The following HS3ST4 variants were observed in gnomAD, a reference collection of about 807,000 sequenced individuals.
HS3ST4 encodes the protein heparan sulfate-glucosamine 3-sulfotransferase 4.
A neutral mutation model predicts 29.2 loss-of-function variants in HS3ST4; 17 were observed. That is an observed-to-expected ratio of 0.58 (90% confidence interval 0.40 to 0.87). The LOEUF (loss-of-function observed/expected upper bound fraction) is 0.87, where lower values mean the gene tolerates loss of function less well. Ranked by LOEUF, HS3ST4 falls within the 40% of genes least tolerant of loss-of-function variation. HS3ST4 has a pLI of 0.00. For missense variants in HS3ST4, 627 were observed against 634.5 expected (o/e 0.99, Z 0.13); for synonymous variants, 314 against 285.7 (o/e 1.10, Z -1.00).
At chr16:25,955,455 T>A (rs1365800463) in intron 1 of HS3ST4, among the ~76,000 whole-genome samples, 1 of 152,184 alleles carries the variant, frequency 6.6e-6, no homozygotes, top group Non-Finnish European at 1.5e-5. Flanking sequence ...TGGAAACCCA[T>A]AAAAGTTAGA....
intron 1 of HS3ST4, among the ~76,000 whole-genome samples, chr16:25,807,761 G>T (rs142682671): frequency 2.0e-5 from 3 of 152,074 alleles, no homozygotes; most frequent in Non-Finnish European, 2.9e-5. Flanking sequence ...TTACATTTCC[G>T]CTAGCAATGT....
chr16:25,794,772 C>T (rs1966878228), intron 1 of HS3ST4, among the ~76,000 whole-genome samples: 1 of 151,768 alleles, frequency 6.6e-6, no homozygotes, highest in Non-Finnish European at 1.5e-5. Context: ...TGAATCCATA[C>T]CTTGATATTC....
chr16:26,076,892 A>G (rs192125315), intron 1 of HS3ST4, among the ~76,000 whole-genome samples: 14 of 152,318 alleles, frequency 9.2e-5, no homozygotes, highest in Admixed American at 1.3e-4. Flanking sequence ...TTTCCCAAAT[A>G]CAGGTGCCTC....
intron 1 of HS3ST4, among the ~76,000 whole-genome samples, chr16:25,854,324 T>A (rs4393576): frequency 6.6e-6 from 1 of 151,974 alleles, no homozygotes; most frequent in African/African-American, 2.4e-5. Context: ...CCTGACATTG[T>A]CATGGCATTT....
chr16:25,940,564 T>A (rs1001244459), intron 1 of HS3ST4, among the ~76,000 whole-genome samples: 4 of 152,174 alleles, frequency 2.6e-5, no homozygotes, highest in African/African-American at 9.6e-5. Flanking sequence ...GGGAGAGCTC[T>A]CATGTTTGGG....
At chr16:25,732,745 G>GT (rs1156698489) in intron 1 of HS3ST4, among the ~76,000 whole-genome samples, 1 of 152,232 alleles carries the variant, frequency 6.6e-6, no homozygotes, top group Non-Finnish European at 1.5e-5. Flanking sequence ...GAAGGAGGCA[G>GT]TATAGCATGG....
chr16:25,836,359 TAA>T (rs796766821), intron 1 of HS3ST4, among the ~76,000 whole-genome samples: 24 of 152,248 alleles, frequency 1.6e-4, no homozygotes, highest in African/African-American at 5.3e-4. Context: ...GCAGTCCTGT[TAA>T]CCAAGGAAGG....
chr16:25,783,797 A>G (rs1966854817), intron 1 of HS3ST4, among the ~76,000 whole-genome samples: 3 of 152,250 alleles, frequency 2.0e-5, no homozygotes, highest in Middle Eastern at 3.2e-3. Flanking sequence ...TGGAGATTTT[A>G]GAGATTTCAA....
intron 1 of HS3ST4, among the ~76,000 whole-genome samples, chr16:25,837,424 A>G (rs1436550275): frequency 6.6e-6 from 1 of 152,150 alleles, no homozygotes; most frequent in Non-Finnish European, 1.5e-5. Context: ...TTTTCCAGGA[A>G]CTCTTAAGGA....
chr16:25,950,894 G>C (rs1398664874), intron 1 of HS3ST4, among the ~76,000 whole-genome samples: 1 of 152,152 alleles, frequency 6.6e-6, no homozygotes, highest in South Asian at 2.1e-4. Context: ...AGGCACTCCA[G>C]GACGCCAGCT....
intron 1 of HS3ST4, among the ~76,000 whole-genome samples, chr16:25,698,105 A>T (rs561033917): frequency 2.2e-4 from 33 of 151,734 alleles, no homozygotes; most frequent in Middle Eastern, 3.4e-3. Context: ...ATTTGAAAAA[A>T]TTTTTTTAAA....
intron 1 of HS3ST4, among the ~76,000 whole-genome samples, chr16:25,980,553 C>T (rs1009236633): frequency 1.4e-4 from 21 of 152,126 alleles, no homozygotes; most frequent in African/African-American, 4.8e-4. Context: ...TCCTGTGGTT[C>T]CTGGAAACCG....
At chr16:25,885,772 A>C (rs1967943402) in intron 1 of HS3ST4, among the ~76,000 whole-genome samples, 2 of 152,086 alleles carry the variant, frequency 1.3e-5, no homozygotes, top group Middle Eastern at 3.4e-3. Context: ...TTGACTCTGC[A>C]CTTAAATGAA....
chr16:25,919,740 G>T (rs1477016293), intron 1 of HS3ST4, among the ~76,000 whole-genome samples: 3 of 152,156 alleles, frequency 2.0e-5, no homozygotes, highest in Non-Finnish European at 4.4e-5. Context: ...TGTTTAAAAA[G>T]AATAGTCAAC....
intron 1 of HS3ST4, among the ~76,000 whole-genome samples, chr16:26,053,340 C>T (rs1272245447): frequency 6.6e-6 from 1 of 152,190 alleles, no homozygotes; most frequent in Non-Finnish European, 1.5e-5. Flanking sequence ...AATGTTAATA[C>T]TTGCTGCAAT....
rs186881877 is a variant in HS3ST4 at position 25,879,384 on chromosome 16, G to T, written c.734+186233G>T. Among the ~76,000 whole-genome samples, 386 of 152,258 alleles carry T rather than the reference G, an allele frequency of 2.5e-3. 1 individual carries two copies. Among genetic ancestry groups the T allele is most frequent in the Middle Eastern group, 3.4e-3 (1 of 294 alleles). ...ACTGGGCAATTTACAAAAGAAAGGG[G>T]TTTATTGGACTTAAAGTTCCACGTG... On this transcript the variant is annotated intron_variant, in intron 1 of 1. Coordinates refer to ENST00000331351, the MANE Select transcript of HS3ST4 (RefSeq NM_006040.3).
rs1898242413 is a variant in HS3ST4, at chr16:26,133,704, G to A, written c.735-1908G>A. On this transcript the variant is annotated intron_variant, in intron 1 of 1. Transcript: ENST00000331351. The stretch of plus-strand genomic sequence containing the variant: ...TTGCAATTAATTATTGACAGAGCAT[G>A]TGAATTAGAGATAAAAGAAAAGTCA... 2.0e-5 allele frequency among the ~76,000 whole-genome samples: 3 copies of A among 152,246 alleles called. No homozygotes were observed. The South Asian group carries it at 6.2e-4, about 32-fold the overall frequency.
intron 1 of HS3ST4, among the ~76,000 whole-genome samples, chr16:25,866,800 C>T (rs548902445): frequency 4.0e-5 from 6 of 151,484 alleles, no homozygotes; most frequent in African/African-American, 1.2e-4. Flanking sequence ...TCTGCACATG[C>T]ATCCCAGAAC....
chr16:26,103,096 A>T (rs1899008161), intron 1 of HS3ST4, among the ~76,000 whole-genome samples: 2 of 152,158 alleles, frequency 1.3e-5, no homozygotes. Flanking sequence ...TCTGATTGCA[A>T]GGGAGCCTGG....
Sources: allele counts gnomAD v4.1 joint callset (sites outside exome capture counted in the v4.1 genomes callset), GRCh38; gene constraint gnomAD v4.1.1; transcripts MANE v1.5; gene names NCBI Gene and HGNC (gene_info 2026-07-23, HGNC 2026-07-21).